The following HSPG2 variants were observed in gnomAD, a reference collection of about 807,000 sequenced individuals.
HSPG2 encodes the protein basement membrane-specific heparan sulfate proteoglycan core protein.
HSPG2 carries 278 observed loss-of-function variants against 526.6 expected under a neutral mutation model. The observed-to-expected ratio is 0.53, with a 90% confidence interval of 0.48 to 0.58. The LOEUF is 0.58. Ranked by LOEUF, HSPG2 falls within the 20% of genes least tolerant of loss-of-function variation. HSPG2 has a pLI of 0.00. For synonymous variants in HSPG2, 2,465 were observed against 2,555.4 expected, an observed-to-expected ratio of 0.96 and a Z score of 1.07; for missense variants, 5,354 against 6,099.5, an observed-to-expected ratio of 0.88 and a Z score of 4.07.
chr1:21,900,281 G>A (rs942974242), intron 1 of HSPG2, among the ~76,000 whole-genome samples: 3 of 152,210 alleles, frequency 2.0e-5, no homozygotes, highest in Admixed American at 1.3e-4. Flanking sequence ...TGACTCAACC[G>A]GGCCCAGGCC....
At chr1:21,927,345 T>C (rs1246737305) in intron 1 of HSPG2, among the ~76,000 whole-genome samples, 1 of 152,136 alleles carries the variant, frequency 6.6e-6, no homozygotes, top group African/African-American at 2.4e-5. Flanking sequence ...CAGGCCTGTG[T>C]GTCTCTCTCT....
chr1:21,841,899 G>A (rs1244940448), intron 69 of HSPG2, 103 bp downstream of exon 69: 6 of 1,490,100 alleles, frequency 4.0e-6, no homozygotes, highest in Non-Finnish European at 5.6e-6. Flanking sequence ...GCCACACCAT[G>A]AATGTGGGGC....
chr1:21,879,611 A>C (rs1389386922), intron 17 of HSPG2, among the ~76,000 whole-genome samples: 1 of 151,404 alleles, frequency 6.6e-6, no homozygotes, highest in East Asian at 1.9e-4. Context: ...ATGAGGGTGG[A>C]GAGGAGGGCC....
At chr1:21,914,823 AG>A (rs1643844333) in intron 1 of HSPG2, among the ~76,000 whole-genome samples, 1 of 152,146 alleles carries the variant, frequency 6.6e-6, no homozygotes, top group Non-Finnish European at 1.5e-5. Context: ...CTCCCCGGGC[AG>A]GTGTGAATGC....
At chr1:21,866,652 A>G (rs1236458165) in intron 33 of HSPG2, among the ~76,000 whole-genome samples, 5 of 152,218 alleles carry the variant, frequency 3.3e-5, no homozygotes, top group Non-Finnish European at 2.9e-5. Context: ...TGTGTTGCTC[A>G]TGACTGGGGA....
chr1:21,865,122 G>A lies in HSPG2; in HGVS notation c.4396-49C>T. 6.5e-7 allele frequency: 1 copy of A among 1,540,152 alleles called. No homozygotes were observed. Among genetic ancestry groups the A allele is most frequent in the Non-Finnish European group, 8.9e-7 (1 of 1,128,686 alleles). ...GCGGGGGCAGTGGGCTTTGTGGGCT[G>A]CTCCTACAGTTACCACCCCCCAAAT... On this transcript the variant is annotated intron_variant, in intron 35 of 96. Transcript: ENST00000374695. This position sits in a 1 kb window ranked among gnomAD's most constrained non-coding sequence, Gnocchi z 5.4.
In HSPG2 at chr1:21,887,923, C is replaced by T. The variant is rs778871910; in HGVS notation, c.703+15G>A. The T allele has an allele frequency of 2.7e-5, 44 of 1,613,888 alleles. No individual in the cohort carries two copies. Among genetic ancestry groups the T allele is most frequent in the Non-Finnish European group, 3.3e-5 (39 of 1,180,016 alleles). The stretch of plus-strand genomic sequence containing the variant: ...CTGGCACCCAAACCACTCGTGGCCC[C>T]GGACATCCCCTCACCACAATTGAGC... On this transcript the variant is annotated intron_variant, in intron 7 of 96. Coordinates refer to ENST00000374695, the MANE Select transcript of HSPG2 (RefSeq NM_005529.7). The surrounding 1 kb of genome is among the most constrained non-coding windows in gnomAD (Gnocchi z 5.0).
At chr1:21,830,763 T>G in intron 85 of HSPG2, 1 of 555,416 alleles carries the variant, frequency 1.8e-6, no homozygotes, top group South Asian at 2.3e-5. Flanking sequence ...TGGTAAGAAT[T>G]TGGTCAGCAG....
At position 21,842,960 on chromosome 1, in the gene HSPG2, G is replaced by A. The variant is rs41266009; in HGVS notation, c.8759-39C>T. ...GGGTGGGTGAGAGAGGCCAGGCTCC[G>A]GGGATCAAGGCAGGGGCTGAAGGTG... On this transcript the variant is annotated intron_variant, in intron 66 of 96. Transcript: ENST00000374695. 42,041 of 1,612,196 alleles carry A rather than the reference G, an allele frequency of 0.026. 1,103 individuals carry two copies. Among genetic ancestry groups the A allele is most frequent in the African/African-American group, 0.14 (10,263 of 74,976 alleles).
chr1:21,823,741 C>A, intron 95 of HSPG2, 22 bp from the exon 96 acceptor site: 2 of 1,597,054 alleles, frequency 1.3e-6, no homozygotes, highest in Non-Finnish European at 1.7e-6. Context: ...CTGGGTCAGG[C>A]CCCTTTCCAC....
rs202238378 is a variant in HSPG2, at chr1:21,847,699, G to A, written c.8015C>T (p.Ser2672Phe). 1 of 1,608,828 alleles carries A rather than the reference G, an allele frequency of 6.2e-7. No individual in the cohort carries two copies. The highest frequency in any genetic ancestry group is 1.3e-5 in the African/African-American group (1 of 74,852). ...GGCTCCACTCTGTACCTGGTGTCGG[G>A]AGGGAAGGCTGCCCCCACGCTTGTA... Reference protein sequence around the residue: ...TWYKRGGSLPSRHQTHGSHLR... With the variant: ...TWYKRGGSLPFRHQTHGSHLR... The change falls in exon 61 of 97, where the codon TCC (serine) becomes TTC (phenylalanine). Residue 2672 changes from serine to phenylalanine, a missense_variant. By Grantham distance (155) the Ser-to-Phe change is radical (BLOSUM62 -2). Transcript: ENST00000374695. The surrounding 1 kb of genome is among the most constrained non-coding windows in gnomAD (Gnocchi z 4.1).
chr1:21,867,308 C>T (rs923564587), intron 33 of HSPG2, among the ~76,000 whole-genome samples: 5 of 152,026 alleles, frequency 3.3e-5, no homozygotes, highest in African/African-American at 1.2e-4. Context: ...CTGGTCTCAA[C>T]TCCTGGCCTG....
At position 21,912,958 on chromosome 1, in the gene HSPG2, C is replaced by A. The variant is rs374615599; in HGVS notation, c.64-16648G>T. ...TTGCACCACTGCACTCCAGCCTGGG[C>A]GAAAGAGTGAGGCTCTAGCTCAAAA... On this transcript the variant is annotated intron_variant, in intron 1 of 96. Coordinates refer to ENST00000374695, the MANE Select transcript of HSPG2 (RefSeq NM_005529.7). Among the ~76,000 whole-genome samples the A allele has an allele frequency of 2.0e-5, 3 of 146,992 alleles. No homozygotes were observed. The South Asian group carries it at 6.4e-4, about 32-fold the overall frequency.
At chr1:21,840,154 T>C (rs547689594) in intron 71 of HSPG2, 137 bp from the exon 72 acceptor site, 3 of 723,780 alleles carry the variant, frequency 4.1e-6, no homozygotes, top group Non-Finnish European at 7.0e-6. Context: ...ATATTTATTT[T>C]TTGAGACAGG....
Position 21,841,658 on chromosome 1 carries a change from C to A in HSPG2, c.9209G>T (p.Ser3070Ile), listed in dbSNP as rs746746186. The change falls in exon 70 of 97, where the codon AGT becomes ATT. Residue 3070 changes from serine (S) to isoleucine (I), a missense_variant. Transcript: ENST00000374695. The part of the protein sequence containing the change: ...NQELEDNVHI[S>I]PNGSIITIVG... ...GATGGTGATGATGGAGCCATTGGGA[C>A]TGATGTGGACGTTGTCTGTGAGGTT... 3 of 1,614,152 alleles carry A rather than the reference C, an allele frequency of 1.9e-6. No individual in the cohort carries two copies. Among genetic ancestry groups the A allele is most frequent in the Non-Finnish European group, 2.5e-6 (3 of 1,180,030 alleles).
intron 39 of HSPG2, among the ~76,000 whole-genome samples, chr1:21,860,577 C>T (rs1456289893): frequency 1.3e-5 from 2 of 152,176 alleles, no homozygotes; most frequent in Non-Finnish European, 2.9e-5. Context: ...CTGCAAACTC[C>T]GTCTCCGGGG....
chr1:21,916,802 T>C (rs1219833787), intron 1 of HSPG2, among the ~76,000 whole-genome samples: 1 of 152,200 alleles, frequency 6.6e-6, no homozygotes, highest in Non-Finnish European at 1.5e-5. Flanking sequence ...GTGCAGATTA[T>C]ACCATCATTG....
rs372723819 is a variant in HSPG2, at chr1:21,884,572, C to T, written c.1610G>A (p.Arg537Gln). 1.1e-5 allele frequency: 18 copies of T among 1,611,276 alleles called. No individual in the cohort carries two copies. The East Asian group carries it at 2.9e-4, about 26-fold the overall frequency. Reference sequence around the variant, plus strand: ...GTCAAAGCGCAGCCTGATCTGGTCCCGGAAGCGGCGGGTGCTCTGGCACAC... The same window carrying T: ...GTCAAAGCGCAGCCTGATCTGGTCCTGGAAGCGGCGGGTGCTCTGGCACAC... The part of the protein sequence containing the change: ...TSVCQSTRRF[R>Q]DQIRLRFDQP... The change falls in exon 13 of 97, where the codon CGG becomes CAG. Residue 537 changes from arginine (R) to glutamine (Q), a missense_variant. Transcript: ENST00000374695.
intron 44 of HSPG2, 102 bp downstream of exon 44, chr1:21,856,913 G>C (rs1446424377): frequency 4.8e-6 from 6 of 1,251,302 alleles, no homozygotes; most frequent in South Asian, 1.2e-5. Flanking sequence ...GCATGCAGCA[G>C]GTGCTCAGAA....
Sources: allele counts gnomAD v4.1 joint callset (sites outside exome capture counted in the v4.1 genomes callset), GRCh38; gene constraint gnomAD v4.1.1; non-coding constraint Gnocchi (gnomAD v3.1); transcripts MANE v1.5; gene names NCBI Gene and HGNC (gene_info 2026-07-23, HGNC 2026-07-21).